FSD1L: variants seen among roughly 807,000 people sequenced by gnomAD.
The protein encoded by FSD1L is FSD1-like protein.
In FSD1L, 45 loss-of-function variants were observed where a neutral mutation model predicts 71.6. The observed-to-expected ratio is 0.63, with a 90% CI of 0.49 to 0.81. The LOEUF (loss-of-function observed/expected upper bound fraction) is 0.81, where lower values mean the gene tolerates loss of function less well. FSD1L is among the 30% of genes least tolerant of loss of function. The pLI, the probability that FSD1L is intolerant of heterozygous loss-of-function variation, is 0.00. For missense variants in FSD1L, 561 were observed against 618.1 expected, an observed-to-expected ratio of 0.91 and a Z score of 0.98; for synonymous variants, 197 against 207.2, an observed-to-expected ratio of 0.95 and a Z score of 0.42.
upstream of FSD1L, among the ~76,000 whole-genome samples, chr9:105,446,180 T>G (rs1441415393): frequency 2.0e-5 from 3 of 152,182 alleles, no homozygotes; most frequent in Non-Finnish European, 4.4e-5. Context: ...AAATGCTGTT[T>G]CTCAAACACA....
At position 105,448,231 on chromosome 9, in the gene FSD1L, A is replaced by G; in HGVS notation, c.11A>G (p.Gln4Arg). Reference sequence around the variant, plus strand: ...GCTTAGCCACTCGCCATGGACTCCCAGAAAGTAAGCGGGGGAGGGGAGCCC... The same window carrying G: ...GCTTAGCCACTCGCCATGGACTCCCGGAAAGTAAGCGGGGGAGGGGAGCCC... MDS[Q>R]KYCFKENENV... The change falls in exon 1 of 14, where the codon CAG becomes CGG. Residue 4 changes from glutamine (Q) to arginine (R), a missense_variant. Physicochemically the swap from Gln to Arg is conservative, Grantham distance 43. Coordinates refer to ENST00000481272, the MANE Select transcript of FSD1L (RefSeq NM_001145313.3). The G allele has an allele frequency of 1.3e-6, 2 of 1,534,976 alleles. No individual in the cohort carries two copies. Among genetic ancestry groups the G allele is most frequent in the Non-Finnish European group, 1.8e-6 (2 of 1,138,710 alleles).
chr9:105,473,554 T>G lies in FSD1L; in HGVS notation c.441+1549T>G, dbSNP rs553254934. On this transcript the variant is annotated intron_variant, in intron 5 of 13. Coordinates refer to ENST00000481272, the MANE Select transcript of FSD1L (RefSeq NM_001145313.3). ...TATTTTTCTTTCTGTTTTCTACTTG[T>G]TAACAAATTCCCCTTTTAGTGGAGT... is the stretch of plus-strand genomic sequence containing the variant. Among the ~76,000 whole-genome samples, 22 of 152,312 alleles carry G rather than the reference T, an allele frequency of 1.4e-4. No individual in the cohort carries two copies. In the South Asian group the frequency reaches 4.3e-3, roughly 30 times the overall value.
At chr9:105,462,556 C>T (rs185809885) in intron 2 of FSD1L, among the ~76,000 whole-genome samples, 4,154 of 135,274 alleles carry the variant, frequency 0.031, 143 homozygotes, top group African/African-American at 0.088. Context: ...CAGAATCTTG[C>T]TCTGTTGCCC....
chr9:105,495,847 C>G (rs957567949), intron 7 of FSD1L, among the ~76,000 whole-genome samples: 1 of 151,848 alleles, frequency 6.6e-6, no homozygotes, highest in Non-Finnish European at 1.5e-5. Flanking sequence ...TAGTGATGGG[C>G]GCATGTAGTC....
chr9:105,449,632 C>T (rs1480190707), intron 1 of FSD1L, among the ~76,000 whole-genome samples: 1 of 152,198 alleles, frequency 6.6e-6, no homozygotes, highest in Non-Finnish European at 1.5e-5. Flanking sequence ...TAGTAAAAAT[C>T]TGATAAAATA....
intron 3 of FSD1L, among the ~76,000 whole-genome samples, chr9:105,465,425 A>G (rs1830993274): frequency 6.6e-6 from 1 of 152,232 alleles, no homozygotes; most frequent in Non-Finnish European, 1.5e-5. Context: ...CATTATCCCA[A>G]TAATAAAGCC....
intron 10 of FSD1L, chr9:105,520,029 G>A: frequency 6.8e-7 from 1 of 1,465,294 alleles, no homozygotes; most frequent in Non-Finnish European, 9.0e-7. Flanking sequence ...GAGCTAATGA[G>A]CCTCTCTGGC....
At chr9:105,525,027 A>G (rs1184160519) in intron 10 of FSD1L, 16 of 1,579,014 alleles carry the variant, frequency 1.0e-5, no homozygotes, top group Middle Eastern at 1.7e-4. Flanking sequence ...GCATCAGCCA[A>G]TTCAAATGTC....
intron 3 of FSD1L, among the ~76,000 whole-genome samples, chr9:105,464,752 G>A (rs990213474): frequency 3.3e-5 from 5 of 151,918 alleles, no homozygotes; most frequent in African/African-American, 9.7e-5. Context: ...AGGTTGATGG[G>A]TTGAGCCCAG....
At chr9:105,493,990 C>A (rs1471234934) in intron 7 of FSD1L, among the ~76,000 whole-genome samples, 1 of 152,148 alleles carries the variant, frequency 6.6e-6, no homozygotes, top group Non-Finnish European at 1.5e-5. Flanking sequence ...TGGAGTTGCT[C>A]TTCTTGAGGA....
intron 7 of FSD1L, among the ~76,000 whole-genome samples, chr9:105,501,381 C>T (rs972605108): frequency 1.1e-4 from 17 of 151,888 alleles, no homozygotes; most frequent in African/African-American, 3.9e-4. Context: ...TTCATGAATT[C>T]TTTAAGGTGA....
intron 7 of FSD1L, among the ~76,000 whole-genome samples, chr9:105,496,759 T>G (rs138725494): frequency 6.6e-6 from 1 of 152,372 alleles, no homozygotes; most frequent in Non-Finnish European, 1.5e-5. Context: ...CACTTACTAG[T>G]TTCAGGAGTT....
intron 1 of FSD1L, among the ~76,000 whole-genome samples, chr9:105,454,030 C>T (rs1465782684): frequency 2.0e-5 from 3 of 152,044 alleles, no homozygotes. Context: ...ACGTAGCCAG[C>T]TTTTGCATTT....
At chr9:105,476,679 A>G (rs1312318314) in intron 5 of FSD1L, among the ~76,000 whole-genome samples, 1 of 152,222 alleles carries the variant, frequency 6.6e-6, no homozygotes, top group Non-Finnish European at 1.5e-5. Flanking sequence ...GTAATTGACA[A>G]AAGTCACCGT....
chr9:105,452,652 TGCCTGCCTGCCTG>T (rs1564073123), intron 1 of FSD1L, among the ~76,000 whole-genome samples: 4 of 128,644 alleles, frequency 3.1e-5, no homozygotes, highest in African/African-American at 5.9e-5. Context: ...CCTGCCTGCC[TGCCTGCCTGCCTG>T]CCTGCCTTCC....
intron 10 of FSD1L, chr9:105,521,713 C>G (rs1228888369): frequency 5.0e-6 from 8 of 1,613,312 alleles, no homozygotes; most frequent in Non-Finnish European, 6.8e-6. Context: ...GAAAATGGGA[C>G]CAATACTGCT....
chr9:105,465,566 G>C (rs1831003114), intron 3 of FSD1L, among the ~76,000 whole-genome samples: 1 of 152,166 alleles, frequency 6.6e-6, no homozygotes, highest in African/African-American at 2.4e-5. Context: ...CCATGATCCA[G>C]TAGGATTTAT....
At chr9:105,546,259 G>A (rs913965488) in intron 13 of FSD1L, 99 bp from the exon 14 acceptor site, 7 of 1,046,680 alleles carry the variant, frequency 6.7e-6, no homozygotes, top group African/African-American at 1.6e-5. Context: ...AATGATTGAT[G>A]TTCATATGTG....
At chr9:105,533,807 TCTGACTC>T (rs1836083863) in intron 10 of FSD1L, among the ~76,000 whole-genome samples, 2 of 150,314 alleles carry the variant, frequency 1.3e-5, no homozygotes, top group South Asian at 4.4e-4. Flanking sequence ...ACCCGCAACC[TCTGACTC>T]CTGGGTTCAA....
Sources: allele counts gnomAD v4.1 joint callset (sites outside exome capture counted in the v4.1 genomes callset), GRCh38; gene constraint gnomAD v4.1.1; transcripts MANE v1.5; gene names NCBI Gene and HGNC (gene_info 2026-07-23, HGNC 2026-07-21).